Variants in ABAT observed in about 807,000 individuals in gnomAD.
The protein encoded by ABAT is 4-aminobutyrate aminotransferase, also known as 4-aminobutyrate aminotransferase, mitochondrial.
Under a neutral mutation model 64.6 loss-of-function variants are expected in ABAT, and 45 were observed. The observed-to-expected ratio is 0.70, with a 90% confidence interval of 0.55 to 0.89. The LOEUF is 0.89. Among genes scored for constraint, ABAT ranks in the 40% least tolerant of loss-of-function variants. The probability of loss-of-function intolerance (pLI) is 0.00; values close to 1 mark genes in which losing one functional copy is unlikely to be tolerated. For missense variants in ABAT, 633 were observed against 658.4 expected, an observed-to-expected ratio of 0.96 and a Z score of 0.42; for synonymous variants, 297 against 250.5, an observed-to-expected ratio of 1.19 and a Z score of -1.75.
Position 8,694,104 on chromosome 16 carries a change from A to G in ABAT, c.-42+19393A>G, listed in dbSNP as rs55911608. The stretch of plus-strand genomic sequence containing the variant: ...GAGTACAGTGGCACGATCTCCGCTC[A>G]CTGCAAGCTCTGCCTCCCAGGTTCA... On this transcript the variant is annotated intron_variant, in intron 1 of 15. Transcript: ENST00000268251. Among the ~76,000 whole-genome samples the G allele has an allele frequency of 6.7e-3, 1,014 of 151,642 alleles. 3 individuals carry two copies. The highest frequency in any genetic ancestry group is 0.011 in the Non-Finnish European group (753 of 67,930).
Position 8,781,134 on chromosome 16 carries a change from T to G in ABAT, c.1382-175T>G, listed in dbSNP as rs1278296315. 1 of 905,714 alleles carries G rather than the reference T, an allele frequency of 1.1e-6. No individual in the cohort carries two copies. The highest frequency in any genetic ancestry group is 1.8e-6 in the Non-Finnish European group (1 of 545,542). 56.1% of individuals were successfully genotyped at this position (905,714 alleles called of 1,614,324 possible). Reference sequence around the variant, plus strand: ...TGAATGAGGGGAGAGAGAAAGGAAATGAAGACTGGATGGGTGGGTGGTAGG... The same window carrying G: ...TGAATGAGGGGAGAGAGAAAGGAAAGGAAGACTGGATGGGTGGGTGGTAGG... On this transcript the variant is annotated intron_variant, in intron 15 of 15. Coordinates refer to ENST00000268251, the MANE Select transcript of ABAT (RefSeq NM_020686.6). This position sits in a 1 kb window ranked among gnomAD's most constrained non-coding sequence, Gnocchi z 4.5.
intron 1 of ABAT, among the ~76,000 whole-genome samples, chr16:8,702,152 C>T (rs991337079): frequency 6.6e-6 from 1 of 152,038 alleles, no homozygotes; most frequent in African/African-American, 2.4e-5. Flanking sequence ...ATAGCAGCTT[C>T]TGTTTGTGGG....
chr16:8,697,317 G>C (rs1055287934), intron 1 of ABAT, among the ~76,000 whole-genome samples: 1 of 152,178 alleles, frequency 6.6e-6, no homozygotes, highest in African/African-American at 2.4e-5. Flanking sequence ...TGTTTGGTAG[G>C]TTTTTAACTA....
At chr16:8,716,404 A>G (rs999927322) in intron 1 of ABAT, among the ~76,000 whole-genome samples, 2 of 152,290 alleles carry the variant, frequency 1.3e-5, no homozygotes, top group South Asian at 2.1e-4. Context: ...AGCGCTGAGC[A>G]AGTGTCTGCT....
intron 1 of ABAT, chr16:8,722,868 C>G: frequency 7.8e-7 from 1 of 1,288,856 alleles, no homozygotes; most frequent in African/African-American, 1.5e-5. Flanking sequence ...GGGGAAAATG[C>G]TGTGGCAAAT....
rs542793853 is a variant in ABAT at position 8,748,237 on chromosome 16, G to C, written c.198+100G>C. On this transcript the variant is annotated intron_variant, in intron 4 of 15. Coordinates refer to ENST00000268251, the MANE Select transcript of ABAT (RefSeq NM_020686.6). ...GTTCTGGCTCTTTTTTAAAAAAAAT[G>C]TAGTTGACTTTTGTTCTAAACATTT... 8 of 1,172,918 alleles carry C rather than the reference G, an allele frequency of 6.8e-6. No individual in the cohort carries two copies. In the East Asian group the frequency reaches 1.9e-4, roughly 28 times the overall value. The allele number at this position is 1,172,918 out of a possible 1,614,324, so 72.7% of individuals were successfully genotyped here. A position where few individuals can be genotyped will look rare whatever the true frequency, so the allele number is the denominator to read the frequency against.
At chr16:8,749,935 G>C (rs2059431750) in intron 4 of ABAT, among the ~76,000 whole-genome samples, 1 of 151,780 alleles carries the variant, frequency 6.6e-6, no homozygotes, top group African/African-American at 2.4e-5. Flanking sequence ...CGCTGGTCTT[G>C]ATCTCCTGAC....
chr16:8,725,057 C>T (rs2058504885), intron 1 of ABAT, among the ~76,000 whole-genome samples: 1 of 152,028 alleles, frequency 6.6e-6, no homozygotes, highest in African/African-American at 2.4e-5. Flanking sequence ...GCTGGGATTA[C>T]AGGCGCCTGC....
intron 1 of ABAT, among the ~76,000 whole-genome samples, chr16:8,706,383 C>A (rs1164047647): frequency 8.3e-6 from 1 of 121,134 alleles, no homozygotes; most frequent in African/African-American, 3.0e-5. Context: ...CCAGCCTGGG[C>A]AACAGAGTGA....
intron 1 of ABAT, among the ~76,000 whole-genome samples, chr16:8,722,391 T>G (rs986100578): frequency 2.0e-5 from 3 of 152,242 alleles, no homozygotes; most frequent in African/African-American, 7.2e-5. Flanking sequence ...CTGATCCATC[T>G]GCCTCGGCAT....
At position 8,768,770 on chromosome 16, in the gene ABAT, G is replaced by A. The variant is rs1282021086; in HGVS notation, c.668-55G>A. On this transcript the variant is annotated intron_variant, in intron 10 of 15. Coordinates refer to ENST00000268251, the MANE Select transcript of ABAT (RefSeq NM_020686.6). ...TGTCTATCATCTCCTTTACAAAGACGGTACTGCCTGCTTCCCCAAGCCAAG... is the reference window on the plus strand; with the variant it reads ...TGTCTATCATCTCCTTTACAAAGACAGTACTGCCTGCTTCCCCAAGCCAAG... The A allele has an allele frequency of 1.1e-5, 18 of 1,612,120 alleles. No homozygotes were observed. In the East Asian group the frequency reaches 1.3e-4, roughly 12 times the overall value.
rs747682160 is a variant in ABAT, at chr16:8,757,749, G to A, written c.317-8G>A. 6 of 1,613,990 alleles carry A rather than the reference G, an allele frequency of 3.7e-6. No individual in the cohort carries two copies. The highest frequency in any genetic ancestry group is 1.6e-4 in the Middle Eastern group (1 of 6,062). ...ATGAGGTCTCTAACAATACTCTCCT[G>A]CCCTCAGGTTACAGCCACCCCGCCC... On this transcript the variant is annotated splice_polypyrimidine_tract_variant and splice_region_variant and intron_variant, in intron 5 of 15. Transcript: ENST00000268251.
Position 8,784,506 on chromosome 16 carries a change from A to C in ABAT, c.*3076A>C, listed in dbSNP as rs1415229781. The C allele has an allele frequency of 1.3e-5, 2 of 152,380 alleles. No homozygotes were observed. The highest frequency in any genetic ancestry group is 4.8e-5 in the African/African-American group (2 of 41,454). The allele number at this position is 152,380 out of a possible 1,614,324, so 9.4% of individuals were successfully genotyped here. A position where few individuals can be genotyped will look rare whatever the true frequency, so the allele number is the denominator to read the frequency against. On this transcript the variant is annotated 3_prime_UTR_variant, in exon 16 of 16. Transcript: ENST00000268251. ...CAATGTAACGGATGACCATATGCAC[A>C]ATTCCATGAATTAAATCTGTTTCCT...
At chr16:8,742,628 G>T (rs1199211376) in intron 2 of ABAT, among the ~76,000 whole-genome samples, 1 of 152,072 alleles carries the variant, frequency 6.6e-6, no homozygotes, top group Non-Finnish European at 1.5e-5. Context: ...ACTTTGGGGG[G>T]CCAAGGCGGG....
chr16:8,699,710 C>T (rs1433786742), intron 1 of ABAT, among the ~76,000 whole-genome samples: 1 of 151,922 alleles, frequency 6.6e-6, no homozygotes, highest in Non-Finnish European at 1.5e-5. Flanking sequence ...TACAGGTGTG[C>T]ACCACCACAC....
chr16:8,741,385 T>C (rs2059158201), intron 2 of ABAT, among the ~76,000 whole-genome samples: 1 of 152,218 alleles, frequency 6.6e-6, no homozygotes, highest in Non-Finnish European at 1.5e-5. Flanking sequence ...AGGAAACAGG[T>C]CAGATGGGCA....
chr16:8,694,692 T>A (rs1160516952), intron 1 of ABAT, among the ~76,000 whole-genome samples: 1 of 152,136 alleles, frequency 6.6e-6, no homozygotes, highest in Non-Finnish European at 1.5e-5. Flanking sequence ...CTATGAAAGA[T>A]TTTGTTTTGA....
intron 13 of ABAT, 126 bp downstream of exon 13, chr16:8,775,183 C>G: frequency 1.6e-6 from 2 of 1,267,294 alleles, no homozygotes; most frequent in Non-Finnish European, 2.2e-6. Flanking sequence ...TTTTCTAAGT[C>G]CCAGTTCTTA....
chr16:8,718,640 G>A (rs1416136025), intron 1 of ABAT, among the ~76,000 whole-genome samples: 2 of 152,186 alleles, frequency 1.3e-5, no homozygotes, highest in Non-Finnish European at 2.9e-5. Context: ...GGTCCCCTGA[G>A]CCAGCCCCTG....
Sources: gnomAD v4.1 joint callset for allele counts (sites outside exome capture counted in the v4.1 genomes callset) on GRCh38, gnomAD v4.1.1 for gene constraint, Gnocchi (gnomAD v3.1) non-coding constraint, MANE v1.5 for transcripts, NCBI Gene and HGNC (gene_info 2026-07-23, HGNC 2026-07-21) for gene names.